Variants in AGMO observed in about 807,000 individuals in gnomAD.
AGMO encodes alkylglycerol monooxygenase.
In AGMO, 75 loss-of-function variants were observed where a neutral mutation model predicts 60.2. That is an observed-to-expected ratio of 1.25 (90% CI 1.03 to 1.51). The LOEUF (loss-of-function observed/expected upper bound fraction) is 1.51, where lower values mean the gene tolerates loss of function less well. Among genes scored for constraint, AGMO ranks in the 40% most tolerant of loss-of-function variants. The pLI, the probability that AGMO is intolerant of heterozygous loss-of-function variation, is 0.00. For synonymous variants in AGMO, 261 were observed against 177.1 expected, an observed-to-expected ratio of 1.47 and a Z score of -3.76; for missense variants, 763 against 525.5, an observed-to-expected ratio of 1.45 and a Z score of -4.42.
At chr7:15,238,918 CTATT>C (rs1358136334) in intron 12 of AGMO, among the ~76,000 whole-genome samples, 32 of 152,248 alleles carry the variant, frequency 2.1e-4, no homozygotes, top group African/African-American at 7.5e-4. Context: ...GGCGCAGGCG[CTATT>C]TAAAGTTGTT....
chr7:15,387,487 G>C lies in AGMO; in HGVS notation c.876C>G (p.Phe292Leu). The C allele has an allele frequency of 1.2e-6, 2 of 1,613,860 alleles. No individual in the cohort carries two copies. The highest frequency in any genetic ancestry group is 1.7e-6 in the Non-Finnish European group (2 of 1,179,878). The part of the protein sequence containing the change: ...WTTFWATPGF[F>L]NKFSVIFKGP... ...CCTTAAATATGACAGAAAACTTATT[G>C]AAGAATCCAGGTGTGGCCCAGAATG... The change falls in exon 9 of 13, where the codon TTC becomes TTG. Residue 292 changes from phenylalanine (F) to leucine (L), a missense_variant. Phe to Leu is a conservative substitution (Grantham distance 22, BLOSUM62 0). Coordinates refer to ENST00000342526, the MANE Select transcript of AGMO (RefSeq NM_001004320.2).
At chr7:15,136,138 C>T in the AGMO span, among the ~76,000 whole-genome samples, 7 of 151,978 alleles carry the variant, frequency 4.6e-5, no homozygotes, top group African/African-American at 1.7e-4. Flanking sequence ...GGATTACAGG[C>T]ATGTGCCACC....
the AGMO span, among the ~76,000 whole-genome samples, chr7:15,163,935 C>G: frequency 6.6e-6 from 1 of 151,954 alleles, no homozygotes; most frequent in African/African-American, 2.4e-5. Context: ...TAAAATTTGA[C>G]TATGAATCTG....
chr7:15,517,410 T>A (rs911483602), intron 3 of AGMO, among the ~76,000 whole-genome samples: 1 of 150,874 alleles, frequency 6.6e-6, no homozygotes, highest in Non-Finnish European at 1.5e-5. Context: ...GGTCTGCAGC[T>A]CCCAGCGAGA....
intron 3 of AGMO, among the ~76,000 whole-genome samples, chr7:15,463,678 A>C (rs749127045): frequency 6.6e-6 from 1 of 152,262 alleles, no homozygotes; most frequent in South Asian, 2.1e-4. Context: ...CAGTGCATCT[A>C]TCTAGAGGTG....
chr7:15,369,782 T>C (rs1423597547), intron 10 of AGMO, among the ~76,000 whole-genome samples: 1 of 152,146 alleles, frequency 6.6e-6, no homozygotes, highest in African/African-American at 2.4e-5. Flanking sequence ...GGGCCTAGAA[T>C]ATAGAACTCA....
At chr7:15,364,152 A>G (rs1181489564) in intron 12 of AGMO, among the ~76,000 whole-genome samples, 1 of 151,878 alleles carries the variant, frequency 6.6e-6, no homozygotes, top group African/African-American at 2.4e-5. Flanking sequence ...ATATACCCCT[A>G]TGGTTTAGAG....
chr7:15,530,339 T>G (rs1784269277), intron 3 of AGMO, among the ~76,000 whole-genome samples: 1 of 108,868 alleles, frequency 9.2e-6, no homozygotes, highest in African/African-American at 3.4e-5. Context: ...TCCATATATA[T>G]TCTATATACG....
chr7:15,526,418 G>C (rs1426498227), intron 3 of AGMO, among the ~76,000 whole-genome samples: 1 of 152,128 alleles, frequency 6.6e-6, no homozygotes, highest in African/African-American at 2.4e-5. Context: ...AAAGTAAAGA[G>C]TCTCTTAAAT....
At chr7:15,273,427 C>T (rs1390908637) in intron 12 of AGMO, among the ~76,000 whole-genome samples, 2 of 152,020 alleles carry the variant, frequency 1.3e-5, no homozygotes, top group African/African-American at 4.8e-5. Flanking sequence ...TGTCAAAGAT[C>T]AGATGGTTGT....
intron 12 of AGMO, among the ~76,000 whole-genome samples, chr7:15,322,668 A>G (rs1268592831): frequency 1.1e-5 from 1 of 90,314 alleles, no homozygotes; most frequent in Non-Finnish European, 1.9e-5. Flanking sequence ...ATAAATATAT[A>G]TAAATATATG....
At chr7:15,278,178 TAC>T (rs1005235541) in intron 12 of AGMO, among the ~76,000 whole-genome samples, 1 of 152,132 alleles carries the variant, frequency 6.6e-6, no homozygotes, top group African/African-American at 2.4e-5. Context: ...CTCAGTCCAA[TAC>T]AGACAGCTTT....
chr7:15,380,008 C>G (rs1305081996), intron 10 of AGMO, among the ~76,000 whole-genome samples: 1 of 152,028 alleles, frequency 6.6e-6, no homozygotes, highest in African/African-American at 2.4e-5. Flanking sequence ...AGGAAATTGC[C>G]TCAAAATAAA....
the AGMO span, among the ~76,000 whole-genome samples, chr7:15,122,692 A>G: frequency 6.6e-6 from 1 of 152,094 alleles, no homozygotes; most frequent in African/African-American, 2.4e-5. Flanking sequence ...AGTCACATCC[A>G]TTCTCTAAGA....
At chr7:15,515,782 A>G (rs1201009618) in intron 3 of AGMO, among the ~76,000 whole-genome samples, 1 of 152,202 alleles carries the variant, frequency 6.6e-6, no homozygotes, top group Non-Finnish European at 1.5e-5. Flanking sequence ...TAAGCAATGA[A>G]GTCATTTTGT....
chr7:15,555,146 A>T (rs984383738), intron 2 of AGMO, among the ~76,000 whole-genome samples: 7 of 151,736 alleles, frequency 4.6e-5, no homozygotes, highest in Non-Finnish European at 8.8e-5. Flanking sequence ...ACTAAAAAAA[A>T]ATTAGATATT....
At chr7:15,512,817 CT>C (rs1783708900) in intron 3 of AGMO, among the ~76,000 whole-genome samples, 1 of 152,044 alleles carries the variant, frequency 6.6e-6, no homozygotes, top group Admixed American at 6.5e-5. Flanking sequence ...ACTTTATTCT[CT>C]ATGTTTGCTA....
At chr7:15,237,230 G>C (rs527913306) in intron 12 of AGMO, among the ~76,000 whole-genome samples, 54 of 152,256 alleles carry the variant, frequency 3.5e-4, no homozygotes, top group African/African-American at 1.3e-3. Flanking sequence ...AGTGTGCGTG[G>C]AGAAATTGTG....
intron 10 of AGMO, among the ~76,000 whole-genome samples, chr7:15,378,906 A>C (rs1334032431): frequency 6.6e-6 from 1 of 152,078 alleles, no homozygotes; most frequent in Non-Finnish European, 1.5e-5. Flanking sequence ...TGAAATCATA[A>C]CCCACATTCT....
Sources: gnomAD v4.1 joint callset for allele counts (sites outside exome capture counted in the v4.1 genomes callset) on GRCh38, gnomAD v4.1.1 for gene constraint, MANE v1.5 for transcripts, NCBI Gene and HGNC (gene_info 2026-07-23, HGNC 2026-07-21) for gene names.